The following LTBP1 variants were observed in gnomAD, a reference collection of about 807,000 sequenced individuals.
LTBP1 encodes latent-transforming growth factor beta-binding protein 1.
A neutral mutation model predicts 207.6 loss-of-function variants in LTBP1; 129 were observed. The ratio of observed to expected loss-of-function variants is 0.62; its 90% confidence interval spans 0.54 to 0.72. The LOEUF (loss-of-function observed/expected upper bound fraction) is 0.72, where lower values mean the gene tolerates loss of function less well. LTBP1 is among the 30% of genes least tolerant of loss of function. LTBP1 has a pLI of 0.00. For missense variants in LTBP1, 2,281 were observed against 2,217.2 expected, an observed-to-expected ratio of 1.03 and a Z score of -0.58; for synonymous variants, 963 against 833.7, an observed-to-expected ratio of 1.16 and a Z score of -2.67.
At position 33,363,559 on chromosome 2, in the gene LTBP1, A is replaced by G. The variant is rs1326287236; in HGVS notation, c.4399+41A>G. 8 of 1,569,176 alleles carry G rather than the reference A, an allele frequency of 5.1e-6. No homozygotes were observed. In the South Asian group the frequency reaches 6.0e-5, roughly 12 times the overall value. On this transcript the variant is annotated intron_variant, in intron 29 of 33. Coordinates refer to ENST00000404816, the MANE Select transcript of LTBP1 (RefSeq NM_206943.4). ...ATATAGTATGGTGTACTGTGAAAATATACAGATGGAAAAAATAACTATGCT... is the reference window on the plus strand; with the variant it reads ...ATATAGTATGGTGTACTGTGAAAATGTACAGATGGAAAAAATAACTATGCT...
intron 5 of LTBP1, among the ~76,000 whole-genome samples, chr2:33,163,518 A>G (rs955180375): frequency 2.6e-5 from 4 of 152,190 alleles, no homozygotes; most frequent in African/African-American, 9.6e-5. Flanking sequence ...AAAATGGCTT[A>G]AAGGATAAAA....
intron 7 of LTBP1, among the ~76,000 whole-genome samples, chr2:33,212,382 G>A (rs750663800): frequency 3.3e-5 from 5 of 152,212 alleles, no homozygotes; most frequent in Non-Finnish European, 7.3e-5. Context: ...TAAGACAAAA[G>A]GAGGTGGTTA....
intron 26 of LTBP1, among the ~76,000 whole-genome samples, chr2:33,350,682 G>A (rs557571683): frequency 6.6e-6 from 1 of 151,782 alleles, no homozygotes; most frequent in East Asian, 1.9e-4. Flanking sequence ...AAAAGCATCT[G>A]AAAAAGAAGT....
chr2:32,997,448 A>G (rs748086748), intron 2 of LTBP1, among the ~76,000 whole-genome samples: 13 of 152,194 alleles, frequency 8.5e-5, no homozygotes, highest in Non-Finnish European at 1.6e-4. Context: ...GTTTGAGGCT[A>G]TAGTGAGCTA....
chr2:33,190,061 G>A (rs181224760), intron 7 of LTBP1, among the ~76,000 whole-genome samples: 36 of 152,208 alleles, frequency 2.4e-4, no homozygotes, highest in Admixed American at 9.8e-4. Flanking sequence ...AACTTGCAAG[G>A]TGTAGTGCAT....
At chr2:33,155,543 T>C (rs79126850) in intron 5 of LTBP1, among the ~76,000 whole-genome samples, 2,291 of 152,338 alleles carry the variant, frequency 0.015, 23 homozygotes, top group East Asian at 0.027. Context: ...GTTTGTCCTG[T>C]GCATTGTAGG....
At chr2:33,208,643 G>A (rs2090059425) in intron 7 of LTBP1, among the ~76,000 whole-genome samples, 1 of 152,110 alleles carries the variant, frequency 6.6e-6, no homozygotes, top group Non-Finnish European at 1.5e-5. Flanking sequence ...TCATAGGATT[G>A]CCCTGCCACG....
At chr2:33,269,711 G>A (rs2093272932) in intron 15 of LTBP1, among the ~76,000 whole-genome samples, 1 of 152,216 alleles carries the variant, frequency 6.6e-6, no homozygotes, top group Admixed American at 6.5e-5. Context: ...GTGGGAAAAG[G>A]TTTGCATGCC....
chr2:33,024,094 A>G (rs911189806), intron 3 of LTBP1, among the ~76,000 whole-genome samples: 2 of 152,236 alleles, frequency 1.3e-5, no homozygotes, highest in African/African-American at 4.8e-5. Context: ...ACAAGTTTTT[A>G]TGGAGCATAT....
In LTBP1 at chr2:33,175,282, A is replaced by G. The variant is rs1364101395; in HGVS notation, c.1202-11574A>G. ...ATCTGACAAAGGGCTAATATCCAGA[A>G]TCTACAATGAACTCAAACAAATTTA... On this transcript the variant is annotated intron_variant, in intron 5 of 33. Transcript: ENST00000404816. 4.0e-5 allele frequency among the ~76,000 whole-genome samples: 6 copies of G among 151,694 alleles called. No individual in the cohort carries two copies. In the South Asian group the frequency reaches 1.0e-3, roughly 26 times the overall value.
intron 3 of LTBP1, among the ~76,000 whole-genome samples, chr2:33,030,910 A>C (rs931505657): frequency 6.6e-6 from 1 of 152,044 alleles, no homozygotes; most frequent in Non-Finnish European, 1.5e-5. Context: ...CATTTTCCAC[A>C]TTTTTATAAG....
At chr2:33,135,405 A>G (rs2082062947) in intron 5 of LTBP1, among the ~76,000 whole-genome samples, 1 of 152,232 alleles carries the variant, frequency 6.6e-6, no homozygotes, top group Non-Finnish European at 1.5e-5. Context: ...CAAGCTCTAA[A>G]ACAAAACTCC....
intron 26 of LTBP1, among the ~76,000 whole-genome samples, chr2:33,352,970 C>CTTTTTTTTT (rs61357622): frequency 1.1e-5 from 1 of 93,214 alleles, no homozygotes; most frequent in African/African-American, 4.8e-5. Context: ...GTAAGCCTTT[C>CTTTTTTTTT]TTTTTTTTTT....
intron 2 of LTBP1, among the ~76,000 whole-genome samples, chr2:32,962,512 T>G (rs1679287972): frequency 6.6e-6 from 1 of 152,248 alleles, no homozygotes; most frequent in Non-Finnish European, 1.5e-5. Flanking sequence ...TCAGTAAGGT[T>G]TCTTGATTAG....
chr2:33,383,028 T>C (rs2095233699), intron 31 of LTBP1, among the ~76,000 whole-genome samples: 1 of 152,190 alleles, frequency 6.6e-6, no homozygotes, highest in South Asian at 2.1e-4. Context: ...ACCGTTTTTC[T>C]AATTTCATAA....
chr2:33,335,628 T>C lies in LTBP1; in HGVS notation c.3731-7210T>C, dbSNP rs114782356. Reference sequence around the variant, plus strand: ...GGCCTTGTGCTCATCTTCCGCTTAATGCTGGCTTCCCTCCTGTGCTGTGAG... The same window carrying C: ...GGCCTTGTGCTCATCTTCCGCTTAACGCTGGCTTCCCTCCTGTGCTGTGAG... On this transcript the variant is annotated intron_variant, in intron 24 of 33. Transcript: ENST00000404816. Among the ~76,000 whole-genome samples, 529 of 152,334 alleles carry C rather than the reference T, an allele frequency of 3.5e-3. 2 individuals are homozygous for C. Among genetic ancestry groups the C allele is most frequent in the African/African-American group, 0.012 (508 of 41,564 alleles).
chr2:33,170,761 C>A (rs958928957), intron 5 of LTBP1, among the ~76,000 whole-genome samples: 3 of 149,666 alleles, frequency 2.0e-5, no homozygotes, highest in African/African-American at 7.4e-5. Context: ...AGGCACCCCC[C>A]AGTAGGGGCA....
Position 33,309,511 on chromosome 2 carries a change from A to G in LTBP1, c.3559A>G (p.Thr1187Ala), listed in dbSNP as rs749239740. The change falls in exon 23 of 34, where the codon ACT becomes GCT. Residue 1187 changes from threonine to alanine, a missense_variant. By Grantham distance (58) the Thr-to-Ala change is moderately conservative. Coordinates refer to ENST00000404816, the MANE Select transcript of LTBP1 (RefSeq NM_206943.4). Reference protein sequence around the residue: ...CINTAGSYDCTCPDGFQLDDN... With the variant: ...CINTAGSYDCACPDGFQLDDN... Reference sequence around the variant, plus strand: ...TAATACTGCAGGGTCCTATGATTGTACTTGTCCGGATGGATTTCAGCTAGA... The same window carrying G: ...TAATACTGCAGGGTCCTATGATTGTGCTTGTCCGGATGGATTTCAGCTAGA... The G allele has an allele frequency of 8.7e-6, 14 of 1,610,698 alleles. No individual in the cohort carries two copies. Among genetic ancestry groups the G allele is most frequent in the Non-Finnish European group, 1.2e-5 (14 of 1,178,660 alleles).
In LTBP1 at chr2:33,343,174, G is replaced by A. The variant is rs2094652346; in HGVS notation, c.3856+211G>A. ...CCCAGCACTTTGGGAGGCCAAGGTTGGAGAATTGCTTGAGACCAGGAGTTT... is the reference window on the plus strand; with the variant it reads ...CCCAGCACTTTGGGAGGCCAAGGTTAGAGAATTGCTTGAGACCAGGAGTTT... On this transcript the variant is annotated intron_variant, in intron 25 of 33. Transcript: ENST00000404816. 2.0e-5 allele frequency among the ~76,000 whole-genome samples: 3 copies of A among 152,086 alleles called. No homozygotes were observed. In the South Asian group the frequency reaches 6.2e-4, roughly 32 times the overall value.
Sources: gnomAD v4.1 joint callset for allele counts (sites outside exome capture counted in the v4.1 genomes callset) on GRCh38, gnomAD v4.1.1 for gene constraint, MANE v1.5 for transcripts, NCBI Gene and HGNC (gene_info 2026-07-23, HGNC 2026-07-21) for gene names.